SLC9A2: variants seen among roughly 807,000 people sequenced by gnomAD.
SLC9A2 encodes the protein solute carrier family 9 member A2.
Under a neutral mutation model 71.7 loss-of-function variants are expected in SLC9A2, and 42 were observed. That is an observed-to-expected ratio of 0.59 (90% CI 0.46 to 0.76). The LOEUF (loss-of-function observed/expected upper bound fraction) is 0.76. Ranked by LOEUF, SLC9A2 falls within the 30% of genes least tolerant of loss-of-function variation. The pLI, the probability that SLC9A2 is intolerant of heterozygous loss-of-function variation, is 0.00. For synonymous variants in SLC9A2, 396 were observed against 392.5 expected, an observed-to-expected ratio of 1.01 and a Z score of -0.10; for missense variants, 829 against 1,017.4, an observed-to-expected ratio of 0.81 and a Z score of 2.52.
intron 1 of SLC9A2, among the ~76,000 whole-genome samples, chr2:102,637,310 T>C (rs1676485455): frequency 6.6e-6 from 1 of 152,222 alleles, no homozygotes; most frequent in African/African-American, 2.4e-5. Context: ...CCTTGCCATC[T>C]GTAGAGTCCT....
At position 102,696,791 on chromosome 2, in the gene SLC9A2, CT is replaced by C. The variant is rs551791382; in HGVS notation, c.1586+1679del. Among the ~76,000 whole-genome samples, 193 of 152,280 alleles carry C rather than the reference CT, an allele frequency of 1.3e-3. 1 individual carries two copies. Among genetic ancestry groups the C allele is most frequent in the African/African-American group, 4.4e-3 (184 of 41,552 alleles). On this transcript the variant is annotated intron_variant, in intron 7 of 11. Transcript: ENST00000233969. ...TTGTATGGAGAGCACGCCCAATTAGCTACATGGGAACACAAGGTAATAAAAT... is the reference window on the plus strand; with the variant it reads ...TTGTATGGAGAGCACGCCCAATTAGCACATGGGAACACAAGGTAATAAAAT...
intron 1 of SLC9A2, among the ~76,000 whole-genome samples, chr2:102,625,782 C>T (rs1423952915): frequency 9.2e-5 from 14 of 152,212 alleles, no homozygotes; most frequent in Non-Finnish European, 1.3e-4. Context: ...AATAAACATA[C>T]GTGTGCATGT....
chr2:102,645,482 G>T (rs1330229035), intron 1 of SLC9A2, among the ~76,000 whole-genome samples: 1 of 152,010 alleles, frequency 6.6e-6, no homozygotes, highest in Admixed American at 6.6e-5. Flanking sequence ...GGCTTCAGAA[G>T]GTAGGTAATA....
chr2:102,657,624 T>C lies in SLC9A2; in HGVS notation c.350T>C (p.Val117Ala). The C allele has an allele frequency of 6.2e-7, 1 of 1,614,156 alleles. No homozygotes were observed. The highest frequency in any genetic ancestry group is 8.5e-7 in the Non-Finnish European group (1 of 1,180,002). ...IVPESCLLIMVGLLLGGIIFG... is the reference protein window; with the variant it reads ...IVPESCLLIMAGLLLGGIIFG... ...CCTGAGAGCTGCCTTCTTATAATGG[T>C]TGGACTTCTACTAGGTGGGATTATT... is the stretch of plus-strand genomic sequence containing the variant. Residue 117 changes from valine to alanine, a missense_variant, in exon 2 of 12, where the codon GTT becomes GCT. Physicochemically the swap from Val to Ala is moderately conservative, Grantham distance 64 (BLOSUM62 0). Around this residue, in one of 3 missense-constraint regions of SLC9A2, gnomAD observed 500 missense variants for 726.3 expected, o/e 0.69. Transcript: ENST00000233969.
chr2:102,649,744 G>A (rs993587730), intron 1 of SLC9A2, among the ~76,000 whole-genome samples: 1 of 152,176 alleles, frequency 6.6e-6, no homozygotes, highest in Non-Finnish European at 1.5e-5. Context: ...AGTCATTAGA[G>A]AAATGCAAAT....
At chr2:102,664,861 C>T (rs1385063072) in intron 2 of SLC9A2, among the ~76,000 whole-genome samples, 1 of 152,158 alleles carries the variant, frequency 6.6e-6, no homozygotes, top group Non-Finnish European at 1.5e-5. Context: ...GAAATTGCCT[C>T]TCCCTTACTT....
At chr2:102,705,057 T>A (rs1031368634) in intron 10 of SLC9A2, among the ~76,000 whole-genome samples, 1 of 151,572 alleles carries the variant, frequency 6.6e-6, no homozygotes, top group African/African-American at 2.4e-5. Context: ...AAAAAAAAAA[T>A]TAGCTGAATA....
At chr2:102,703,123 C>T (rs1333543806) in intron 9 of SLC9A2, among the ~76,000 whole-genome samples, 2 of 152,198 alleles carry the variant, frequency 1.3e-5, no homozygotes, top group African/African-American at 2.4e-5. Flanking sequence ...GTCCTCCTTG[C>T]TCATGTGGGG....
intron 4 of SLC9A2, among the ~76,000 whole-genome samples, 164 bp downstream of exon 4, chr2:102,683,642 A>G (rs1677496683): frequency 6.7e-6 from 1 of 150,354 alleles, no homozygotes. Flanking sequence ...TTCCTCCTTT[A>G]CTTTTTTCTC....
chr2:102,658,983 T>C (rs1209744989), intron 2 of SLC9A2, among the ~76,000 whole-genome samples: 1 of 152,188 alleles, frequency 6.6e-6, no homozygotes, highest in Non-Finnish European at 1.5e-5. Flanking sequence ...CAGGTCTCTA[T>C]AACAAATTAT....
In SLC9A2 at chr2:102,620,074, C is replaced by T. The variant is rs1676105922; in HGVS notation, c.226C>T (p.Pro76Ser). 6.2e-7 allele frequency: 1 copy of T among 1,613,854 alleles called. No individual in the cohort carries two copies. The highest frequency in any genetic ancestry group is 2.2e-5 in the East Asian group (1 of 44,840). Residue 76 changes from proline (P) to serine (S), a missense_variant, in exon 1 of 12, where the codon CCC (proline) becomes TCC (serine). Physicochemically the swap from Pro to Ser is moderately conservative, Grantham distance 74 (BLOSUM62 -1). Coordinates refer to ENST00000233969, the MANE Select transcript of SLC9A2 (RefSeq NM_003048.6). ...SRLPVFTLDYPHVQIPFEITL... is the reference protein window; with the variant it reads ...SRLPVFTLDYSHVQIPFEITL... ...GCTGCCTGTGTTTACGCTGGATTAC[C>T]CCCACGTGCAGATCCCCTTCGAGAT...
At chr2:102,660,905 G>A (rs1357543634) in intron 2 of SLC9A2, among the ~76,000 whole-genome samples, 1 of 152,156 alleles carries the variant, frequency 6.6e-6, no homozygotes, top group African/African-American at 2.4e-5. Context: ...ATATAATCTC[G>A]AGGATGGGTA....
At position 102,708,699 on chromosome 2, in the gene SLC9A2, C is replaced by T; in HGVS notation, c.*210C>T. On this transcript the variant is annotated 3_prime_UTR_variant, in exon 12 of 12. Coordinates refer to ENST00000233969, the MANE Select transcript of SLC9A2 (RefSeq NM_003048.6). Reference sequence around the variant, plus strand: ...TAGTCCCACAAAATACCTTTTGTGACTAATGGGTAGCAATCGTATTATTTG... The same window carrying T: ...TAGTCCCACAAAATACCTTTTGTGATTAATGGGTAGCAATCGTATTATTTG... The T allele has an allele frequency of 3.7e-6, 2 of 538,614 alleles. No individual in the cohort carries two copies. The highest frequency in any genetic ancestry group is 6.4e-6 in the Non-Finnish European group (2 of 313,210). 33.4% of individuals were successfully genotyped at this position (538,614 alleles called of 1,614,324 possible).
chr2:102,694,589 T>C, intron 6 of SLC9A2, 86 bp downstream of exon 6: 2 of 592,892 alleles, frequency 3.4e-6, no homozygotes, highest in Non-Finnish European at 2.8e-6. Flanking sequence ...GTTGTCCATT[T>C]CCTGAAGAAG....
At chr2:102,706,454 T>C (rs1677978986) in intron 11 of SLC9A2, among the ~76,000 whole-genome samples, 1 of 151,940 alleles carries the variant, frequency 6.6e-6, no homozygotes, top group African/African-American at 2.4e-5. Context: ...AGGGATAGCA[T>C]TAGGAGATAT....
chr2:102,706,325 C>CAAAAAAAAAAAAAAAA (rs1321449192), intron 11 of SLC9A2, among the ~76,000 whole-genome samples: 1 of 2,610 alleles, frequency 3.8e-4, no homozygotes, highest in Non-Finnish European at 7.2e-4. Context: ...GACTCCGTCT[C>CAAAAAAAAAAAAAAAA]AAAAAAAAAA....
At chr2:102,621,352 G>GGAAA (rs1553422435) in intron 1 of SLC9A2, among the ~76,000 whole-genome samples, 3 of 109,536 alleles carry the variant, frequency 2.7e-5, no homozygotes, top group African/African-American at 1.0e-4. Flanking sequence ...TTGTCTCAGG[G>GGAAA]AAAAAAAAAA....
rs1677309407 is a variant in SLC9A2, at chr2:102,674,295, C to T, written c.1004+8945C>T. On this transcript the variant is annotated intron_variant, in intron 3 of 11. Transcript: ENST00000233969. ...GACATGATACGTGTCCCAAGGAGAA[C>T]CCGTTATTCTTTATCCTTGCTTGAA... 2.0e-5 allele frequency among the ~76,000 whole-genome samples: 3 copies of T among 152,088 alleles called. No homozygotes were observed. In the South Asian group the frequency reaches 6.2e-4, roughly 32 times the overall value.
At chr2:102,644,859 G>C (rs1285258611) in intron 1 of SLC9A2, among the ~76,000 whole-genome samples, 2 of 152,222 alleles carry the variant, frequency 1.3e-5, no homozygotes, top group African/African-American at 2.4e-5. Flanking sequence ...AGAAGGGGCA[G>C]CTGCAGGCAT....
Sources: gnomAD v4.1 joint callset for allele counts (sites outside exome capture counted in the v4.1 genomes callset) on GRCh38, gnomAD v4.1.1 for gene constraint, gnomAD v4.1.1 regional missense constraint, MANE v1.5 for transcripts, NCBI Gene and HGNC (gene_info 2026-07-23, HGNC 2026-07-21) for gene names.